PCDH9: variants seen among roughly 807,000 people sequenced by gnomAD.
PCDH9 encodes the protein protocadherin-9.
Under a neutral mutation model 70.6 loss-of-function variants are expected in PCDH9, and 24 were observed. That is an observed-to-expected ratio of 0.34 (90% CI 0.25 to 0.48). The LOEUF (loss-of-function observed/expected upper bound fraction) is 0.48. PCDH9 is among the 20% of genes least tolerant of loss of function. The pLI, the probability that PCDH9 is intolerant of heterozygous loss-of-function variation, is 0.99. For missense variants in PCDH9, 1,281 were observed against 1,503.6 expected (o/e 0.85, Z 2.45); for synonymous variants, 562 against 558.5 (o/e 1.01, Z -0.09).
chr13:67,093,458 T>A (rs976382593), intron 2 of PCDH9, among the ~76,000 whole-genome samples: 7 of 151,850 alleles, frequency 4.6e-5, no homozygotes, highest in African/African-American at 1.7e-4. Flanking sequence ...CCATCTCAAA[T>A]AATAATAATA....
intron 4 of PCDH9, among the ~76,000 whole-genome samples, chr13:66,505,261 A>G (rs1959199417): frequency 6.6e-6 from 1 of 152,178 alleles, no homozygotes; most frequent in African/African-American, 2.4e-5. Flanking sequence ...GGTATTTATA[A>G]AAAAGGTTTA....
At chr13:66,456,024 C>T (rs1013126537) in intron 4 of PCDH9, among the ~76,000 whole-genome samples, 1 of 152,054 alleles carries the variant, frequency 6.6e-6, no homozygotes, top group African/African-American at 2.4e-5. Context: ...GTCCATTGAT[C>T]TTCCAAAGAG....
intron 2 of PCDH9, among the ~76,000 whole-genome samples, chr13:67,133,996 A>C (rs1384538129): frequency 2.0e-5 from 3 of 152,014 alleles, no homozygotes; most frequent in Non-Finnish European, 4.4e-5. Flanking sequence ...GATGACTCTC[A>C]CTCTTAATTC....
intron 4 of PCDH9, among the ~76,000 whole-genome samples, chr13:66,510,271 G>T (rs1299278958): frequency 1.3e-5 from 2 of 151,892 alleles, no homozygotes; most frequent in Non-Finnish European, 2.9e-5. Flanking sequence ...ATTATCTACT[G>T]CTCAAGAATC....
chr13:66,415,108 T>C (rs1957439181), intron 4 of PCDH9, among the ~76,000 whole-genome samples: 1 of 152,128 alleles, frequency 6.6e-6, no homozygotes, highest in African/African-American at 2.4e-5. Flanking sequence ...GGTGAAATTT[T>C]GTAAATAGGC....
chr13:66,677,619 C>G (rs1420648544), intron 3 of PCDH9, among the ~76,000 whole-genome samples: 1 of 152,048 alleles, frequency 6.6e-6, no homozygotes, highest in Non-Finnish European at 1.5e-5. Context: ...TCCCCATGCT[C>G]TTTCTCTCTA....
intron 4 of PCDH9, among the ~76,000 whole-genome samples, chr13:66,342,696 G>A (rs370743806): frequency 8.8e-4 from 134 of 152,072 alleles, no homozygotes; most frequent in African/African-American, 2.9e-3. Context: ...AACAACCTCC[G>A]CCTCCCAGGT....
chr13:66,733,923 G>A (rs535021125), intron 3 of PCDH9, among the ~76,000 whole-genome samples: 2 of 152,238 alleles, frequency 1.3e-5, no homozygotes, highest in Admixed American at 1.3e-4. Flanking sequence ...CTGTGCAGTA[G>A]GTAATTTGGC....
At chr13:67,114,637 G>A (rs1345280116) in intron 2 of PCDH9, among the ~76,000 whole-genome samples, 2 of 152,030 alleles carry the variant, frequency 1.3e-5, no homozygotes, top group Non-Finnish European at 1.5e-5. Context: ...AAATTTCAAC[G>A]ATGTTTACAA....
At chr13:66,438,293 C>A (rs541074942) in intron 4 of PCDH9, among the ~76,000 whole-genome samples, 1 of 151,254 alleles carries the variant, frequency 6.6e-6, no homozygotes, top group Admixed American at 6.6e-5. Context: ...TATAATATTA[C>A]AATGGATTAA....
chr13:66,516,722 C>T (rs564775582), intron 4 of PCDH9, among the ~76,000 whole-genome samples: 3 of 152,010 alleles, frequency 2.0e-5, no homozygotes, highest in South Asian at 2.1e-4. Flanking sequence ...CGAAATCTCT[C>T]TCTCTCTCTC....
chr13:66,826,233 A>G (rs1428947996), intron 3 of PCDH9, among the ~76,000 whole-genome samples: 2 of 152,202 alleles, frequency 1.3e-5, no homozygotes, highest in African/African-American at 4.8e-5. Flanking sequence ...AAAATGGCAC[A>G]ATGTCAGAAA....
intron 3 of PCDH9, among the ~76,000 whole-genome samples, chr13:66,643,880 G>C (rs945903635): frequency 6.6e-6 from 1 of 151,904 alleles, no homozygotes; most frequent in Non-Finnish European, 1.5e-5. Context: ...TTTTTGTCTA[G>C]GGCAGAGAGG....
intron 3 of PCDH9, among the ~76,000 whole-genome samples, chr13:66,683,962 A>G (rs2078364149): frequency 6.6e-6 from 1 of 152,178 alleles, no homozygotes; most frequent in Non-Finnish European, 1.5e-5. Context: ...GTATAGTACT[A>G]TTTAACTTTT....
intron 3 of PCDH9, among the ~76,000 whole-genome samples, chr13:66,785,060 C>A (rs1168238021): frequency 6.6e-6 from 1 of 152,000 alleles, no homozygotes; most frequent in African/African-American, 2.4e-5. Flanking sequence ...TATTGTATTT[C>A]TTTCTTAAAA....
chr13:66,692,482 A>C (rs1324176821), intron 3 of PCDH9, among the ~76,000 whole-genome samples: 7 of 152,032 alleles, frequency 4.6e-5, no homozygotes, highest in Admixed American at 4.6e-4. Context: ...GGAATGAATA[A>C]AAGAAAATAA....
intron 3 of PCDH9, among the ~76,000 whole-genome samples, chr13:66,780,645 T>C (rs2079983590): frequency 6.6e-6 from 1 of 152,152 alleles, no homozygotes; most frequent in South Asian, 2.1e-4. Flanking sequence ...TCAATATTCT[T>C]ACCTTACAAT....
chr13:66,585,800 T>C (rs767026228), intron 4 of PCDH9, among the ~76,000 whole-genome samples: 9 of 152,118 alleles, frequency 5.9e-5, no homozygotes, highest in Non-Finnish European at 8.8e-5. Flanking sequence ...TTGGACTGTA[T>C]TGCGGTGTGC....
intron 3 of PCDH9, among the ~76,000 whole-genome samples, chr13:66,747,011 A>AC (rs1235792079): frequency 1.3e-5 from 2 of 151,990 alleles, no homozygotes; most frequent in Non-Finnish European, 2.9e-5. Flanking sequence ...TTATTCAAAA[A>AC]AACTGTATCT....
Sources: gnomAD v4.1 joint callset for allele counts (sites outside exome capture counted in the v4.1 genomes callset) on GRCh38, gnomAD v4.1.1 for gene constraint, MANE v1.5 for transcripts, NCBI Gene and HGNC (gene_info 2026-07-23, HGNC 2026-07-21) for gene names.